CHMP3: variants seen among roughly 807,000 people sequenced by gnomAD.
CHMP3 encodes the protein charged multivesicular body protein 3.
In CHMP3, 8 loss-of-function variants were observed where a neutral mutation model predicts 27.4. The observed-to-expected ratio is 0.29, with a 90% CI of 0.17 to 0.53. The LOEUF is 0.53. Ranked by LOEUF, CHMP3 falls within the 20% of genes least tolerant of loss-of-function variation. CHMP3 has a pLI of 0.96. For synonymous variants in CHMP3, 86 were observed against 85.5 expected (o/e 1.01, Z -0.03); for missense variants, 208 against 271.5 (o/e 0.77, Z 1.64).
chr2:86,516,570 T>G (rs758517049), intron 3 of CHMP3, among the ~76,000 whole-genome samples: 1 of 152,226 alleles, frequency 6.6e-6, no homozygotes, highest in African/African-American at 2.4e-5. Context: ...AATTTAAACC[T>G]GTACACTTTT....
intron 1 of CHMP3, among the ~76,000 whole-genome samples, chr2:86,552,195 A>G (rs1377553854): frequency 2.0e-5 from 3 of 152,256 alleles, no homozygotes; most frequent in Non-Finnish European, 4.4e-5. Flanking sequence ...CTAAATATAT[A>G]AAAATCCATG....
chr2:86,550,174 G>C (rs1369566689), intron 1 of CHMP3, among the ~76,000 whole-genome samples: 1 of 152,212 alleles, frequency 6.6e-6, no homozygotes, highest in Non-Finnish European at 1.5e-5. Context: ...TCAGGAGCCG[G>C]AGACCAGCCA....
chr2:86,507,916 C>T (rs1196320856), intron 4 of CHMP3, among the ~76,000 whole-genome samples: 1 of 152,150 alleles, frequency 6.6e-6, no homozygotes, highest in African/African-American at 2.4e-5. Flanking sequence ...AGTGTATTTC[C>T]AGCGCTGTTT....
chr2:86,507,937 CT>C (rs1480501865), intron 4 of CHMP3, among the ~76,000 whole-genome samples: 13 of 152,212 alleles, frequency 8.5e-5, no homozygotes, highest in African/African-American at 3.1e-4. Flanking sequence ...TGGGAAGCAT[CT>C]GTCCTAACAC....
chr2:86,543,136 C>A (rs979429394), intron 1 of CHMP3, among the ~76,000 whole-genome samples: 2 of 152,174 alleles, frequency 1.3e-5, no homozygotes, highest in African/African-American at 4.8e-5. Context: ...AATCATAAAA[C>A]AGAACAGAAT....
At chr2:86,518,786 G>C (rs1440761104) in intron 3 of CHMP3, among the ~76,000 whole-genome samples, 1 of 152,068 alleles carries the variant, frequency 6.6e-6, no homozygotes, top group Admixed American at 6.6e-5. Flanking sequence ...GCCCCTAGTT[G>C]AGAATCAGTG....
At chr2:86,509,136 T>C (rs1674995869) in intron 4 of CHMP3, among the ~76,000 whole-genome samples, 1 of 152,206 alleles carries the variant, frequency 6.6e-6, no homozygotes, top group Non-Finnish European at 1.5e-5. Flanking sequence ...TTCCTCCAAA[T>C]CTGTATTACT....
At chr2:86,554,546 T>C (rs1212303153) in intron 1 of CHMP3, among the ~76,000 whole-genome samples, 1 of 152,180 alleles carries the variant, frequency 6.6e-6, no homozygotes, top group Non-Finnish European at 1.5e-5. Flanking sequence ...ATTCAGTTAA[T>C]AACAAGTGCT....
intron 2 of CHMP3, among the ~76,000 whole-genome samples, chr2:86,536,381 T>C (rs892014271): frequency 5.9e-5 from 9 of 152,222 alleles, no homozygotes; most frequent in Admixed American, 6.5e-5. Flanking sequence ...TATAATGTCC[T>C]TTCATTTCAA....
rs184169147 is a variant in CHMP3 at position 86,537,768 on chromosome 2, T to G, written c.106+4484A>C. 3.4e-3 allele frequency among the ~76,000 whole-genome samples: 519 copies of G among 152,328 alleles called. 4 individuals carry two copies. Among genetic ancestry groups the G allele is most frequent in the Non-Finnish European group, 3.6e-3 (243 of 68,022 alleles). On this transcript the variant is annotated intron_variant, in intron 2 of 5. Coordinates refer to ENST00000263856, the MANE Select transcript of CHMP3 (RefSeq NM_016079.4). ...TTCCCTGGGCACGCACAGTGACTTC[T>G]ACATTCCCTCATATATACAGTTACT...
chr2:86,548,200 TAGTA>T (rs1558659222), intron 1 of CHMP3, among the ~76,000 whole-genome samples: 1 of 146,398 alleles, frequency 6.8e-6, no homozygotes, highest in Non-Finnish European at 1.5e-5. Context: ...TTTTTTTTTT[TAGTA>T]TTTATTGATC....
At chr2:86,561,918 G>C (rs1053378234) in intron 1 of CHMP3, 2 of 152,140 alleles carry the variant, frequency 1.3e-5, no homozygotes, top group Admixed American at 1.3e-4. Flanking sequence ...GCAATGCCAA[G>C]GCCAAACACT....
At chr2:86,541,130 T>TAA (rs1007533800) in intron 2 of CHMP3, 7 of 152,236 alleles carry the variant, frequency 4.6e-5, no homozygotes, top group African/African-American at 1.4e-4. Context: ...ATCCTTATTA[T>TAA]TAAGGTGTGA....
chr2:86,505,714 T>C lies in CHMP3; in HGVS notation c.*90A>G, dbSNP rs1387238844. On this transcript the variant is annotated 3_prime_UTR_variant, in exon 6 of 6. Transcript: ENST00000263856. ...ACAAACAGAACCTTCTCCAAAATGG[T>C]AGTCCTCACAACAGAGGTGTAGTGC... 3.8e-6 allele frequency: 5 copies of C among 1,331,966 alleles called. No homozygotes were observed. Among genetic ancestry groups the C allele is most frequent in the Non-Finnish European group, 3.9e-6 (4 of 1,034,646 alleles). 82.5% of individuals were successfully genotyped at this position (1,331,966 alleles called of 1,614,324 possible). A position where few individuals can be genotyped will look rare whatever the true frequency, so the allele number is the denominator to read the frequency against.
At chr2:86,517,995 G>A (rs1471131734) in intron 3 of CHMP3, among the ~76,000 whole-genome samples, 1 of 152,108 alleles carries the variant, frequency 6.6e-6, no homozygotes, top group Non-Finnish European at 1.5e-5. Context: ...ACTCCTGACT[G>A]GGCAACAGAC....
In CHMP3 at chr2:86,503,921, G is replaced by A. The variant is rs1674791813; in HGVS notation, c.*1883C>T. 6.6e-6 allele frequency: 1 copy of A among 152,132 alleles called. No homozygotes were observed. Among genetic ancestry groups the A allele is most frequent in the Admixed American group, 6.5e-5 (1 of 15,270 alleles). The allele number at this position is 152,132 out of a possible 1,614,324, so 9.4% of individuals were successfully genotyped here. ...TGGACACAAAGGAATAACATACTGG[G>A]GCCTACCTGAGGGTGGAGGGTGGGA... On this transcript the variant is annotated 3_prime_UTR_variant, in exon 6 of 6. Coordinates refer to ENST00000263856, the MANE Select transcript of CHMP3 (RefSeq NM_016079.4).
intron 2 of CHMP3, among the ~76,000 whole-genome samples, chr2:86,537,343 T>C (rs908669412): frequency 2.0e-5 from 3 of 152,210 alleles, no homozygotes; most frequent in African/African-American, 7.2e-5. Context: ...TTTTCTAGCT[T>C]TCCATCGATT....
intron 4 of CHMP3, among the ~76,000 whole-genome samples, chr2:86,508,485 G>A (rs1050225299): frequency 6.6e-6 from 1 of 152,224 alleles, no homozygotes; most frequent in East Asian, 1.9e-4. Flanking sequence ...GGTACTGGGG[G>A]TGCTGAGTGG....
intron 1 of CHMP3, among the ~76,000 whole-genome samples, chr2:86,544,953 C>G (rs546051803): frequency 5.5e-5 from 8 of 145,568 alleles, no homozygotes. Flanking sequence ...ACTTCCTAGA[C>G]GGGGCGGCCG....
Sources: allele counts gnomAD v4.1 joint callset (sites outside exome capture counted in the v4.1 genomes callset), GRCh38; gene constraint gnomAD v4.1.1; transcripts MANE v1.5; gene names NCBI Gene and HGNC (gene_info 2026-07-23, HGNC 2026-07-21).